Variants in RTN4 observed in about 807,000 individuals in gnomAD.
RTN4 encodes the protein reticulon 4.
A neutral mutation model predicts 90.4 loss-of-function variants in RTN4; 32 were observed. The ratio of observed to expected loss-of-function variants is 0.35; its 90% CI spans 0.27 to 0.48. RTN4 has a LOEUF of 0.48. RTN4 is among the 20% of genes least tolerant of loss of function. The probability of loss-of-function intolerance (pLI) is 0.99; values close to 1 mark genes in which losing one functional copy is unlikely to be tolerated. For missense variants in RTN4, 1,706 were observed against 1,430.2 expected, an observed-to-expected ratio of 1.19 and a Z score of -3.11; for synonymous variants, 629 against 552.5, an observed-to-expected ratio of 1.14 and a Z score of -1.94.
At position 55,025,299 on chromosome 2, in the gene RTN4, A is replaced by C; in HGVS notation, c.2800T>G (p.Phe934Val). ...IQPKVEEKISFSDDFSKNGSA... is the reference protein window; with the variant it reads ...IQPKVEEKISVSDDFSKNGSA... ...CCATTTTTAGAAAAGTCATCTGAGA[A>C]ACTGATTTTCTCTTCAACTTTGGGT... Residue 934 changes from phenylalanine to valine, a missense_variant, in exon 3 of 9, where the codon TTC becomes GTC. By Grantham distance (50) the Phe-to-Val change is conservative. Coordinates refer to ENST00000337526, the MANE Select transcript of RTN4 (RefSeq NM_020532.5). 1 of 1,613,926 alleles carries C rather than the reference A, an allele frequency of 6.2e-7. No individual in the cohort carries two copies. Among genetic ancestry groups the C allele is most frequent in the Non-Finnish European group, 8.5e-7 (1 of 1,179,880 alleles).
At chr2:55,040,678 G>A (rs1171349360) in intron 1 of RTN4, among the ~76,000 whole-genome samples, 1 of 151,832 alleles carries the variant, frequency 6.6e-6, no homozygotes, top group East Asian at 1.9e-4. Flanking sequence ...TTTAAGAGCA[G>A]AAAATTCTTT....
At chr2:55,115,277 A>T (rs914603669), upstream of RTN4, among the ~76,000 whole-genome samples, 1 of 152,186 alleles carries the variant, frequency 6.6e-6, no homozygotes, top group South Asian at 2.1e-4. Flanking sequence ...ATCTGTTTCT[A>T]TGCCTTTTCT....
At position 55,024,415 on chromosome 2, in the gene RTN4, C is replaced by T. The variant is rs571681877; in HGVS notation, c.3013+671G>A. On this transcript the variant is annotated intron_variant, in intron 3 of 8. Transcript: ENST00000337526. ...ATATTCAGTAAATTTATCATAATCA[C>T]TATTTTAGAGAAAACGCAGCTAAAT... Among the ~76,000 whole-genome samples, 163 of 152,236 alleles carry T rather than the reference C, an allele frequency of 1.1e-3. 1 individual carries two copies. The highest frequency in any genetic ancestry group is 3.9e-3 in the African/African-American group (161 of 41,542).
chr2:55,125,595 G>T, the RTN4 span, among the ~76,000 whole-genome samples: 1 of 152,080 alleles, frequency 6.6e-6, no homozygotes, highest in African/African-American at 2.4e-5. Flanking sequence ...GTGAAACCTT[G>T]TCTCTACTAA....
chr2:55,120,756 C>T, the RTN4 span, among the ~76,000 whole-genome samples: 1 of 152,134 alleles, frequency 6.6e-6, no homozygotes, highest in South Asian at 2.1e-4. Context: ...AGGCAGGGCT[C>T]GGGCGGGCTG....
intron 3 of RTN4, among the ~76,000 whole-genome samples, chr2:54,997,868 T>A (rs1679555077): frequency 6.6e-6 from 1 of 152,202 alleles, no homozygotes; most frequent in African/African-American, 2.4e-5. Flanking sequence ...GTTAATTTCT[T>A]ACTGTAACTA....
upstream of RTN4, among the ~76,000 whole-genome samples, chr2:55,116,397 G>A (rs942768276): frequency 6.6e-6 from 1 of 152,188 alleles, no homozygotes; most frequent in African/African-American, 2.4e-5. Context: ...CAGTGGTTAA[G>A]AGTGTTAAAA....
chr2:55,113,546 C>T (rs1381416319), upstream of RTN4, among the ~76,000 whole-genome samples: 1 of 152,178 alleles, frequency 6.6e-6, no homozygotes, highest in East Asian at 1.9e-4. Context: ...GGAGAAGTTG[C>T]TGCAGTAGCC....
intron 3 of RTN4, among the ~76,000 whole-genome samples, chr2:55,004,257 T>C (rs1026154849): frequency 5.3e-5 from 8 of 152,146 alleles, no homozygotes; most frequent in African/African-American, 1.9e-4. Flanking sequence ...ATGCCACAAG[T>C]AGACTATGCA....
the RTN4 span, among the ~76,000 whole-genome samples, chr2:55,126,531 T>C: frequency 6.6e-6 from 1 of 152,142 alleles, no homozygotes; most frequent in Non-Finnish European, 1.5e-5. Context: ...AACTAACAGA[T>C]GCTGGTGAGG....
rs142254609 is a variant in RTN4 at position 55,091,588 on chromosome 2, G to A, written c.-213-10949C>T. 2.0e-5 allele frequency among the ~76,000 whole-genome samples: 3 copies of A among 152,340 alleles called. No individual in the cohort carries two copies. In the East Asian group the frequency reaches 5.8e-4, roughly 29 times the overall value. On this transcript the variant is annotated intron_variant, in intron 1 of 3. Transcript: ENST00000427710. ...TGTACCTAGAATCCCAGTACTGTGG[G>A]AGGCCGAGGCAGGAGGATTGCTTGA...
intron 3 of RTN4, among the ~76,000 whole-genome samples, chr2:54,990,781 T>C (rs574695914): frequency 2.0e-5 from 3 of 151,998 alleles, no homozygotes; most frequent in Non-Finnish European, 4.4e-5. Flanking sequence ...CTCAAATATA[T>C]TTTTCTTTTA....
At chr2:54,983,406 T>G (rs1287376629) in intron 4 of RTN4, among the ~76,000 whole-genome samples, 1 of 152,134 alleles carries the variant, frequency 6.6e-6, no homozygotes, top group East Asian at 1.9e-4. Context: ...AGAAACAGTT[T>G]CATTACTGTT....
At chr2:55,136,261 C>T in the RTN4 span, among the ~76,000 whole-genome samples, 1 of 152,182 alleles carries the variant, frequency 6.6e-6, no homozygotes. Flanking sequence ...GGGAAGAATA[C>T]CTCAAGTGAG....
intron 4 of RTN4, among the ~76,000 whole-genome samples, chr2:54,983,674 T>C (rs904548036): frequency 2.0e-5 from 3 of 152,324 alleles, no homozygotes; most frequent in East Asian, 1.9e-4. Context: ...GAATATTCTA[T>C]CACTCTCCAA....
rs530921271 is a variant in RTN4, at chr2:54,972,795, CTT to C, written c.*359_*360del. On this transcript the variant is annotated 3_prime_UTR_variant, in exon 9 of 9. Coordinates refer to ENST00000337526, the MANE Select transcript of RTN4 (RefSeq NM_020532.5). ...TACACAGTGCACAAACTGAAAAGGG[CTT>C]TTTTTTTTTTTTTTCTAGCTCCACC... 209 of 149,832 alleles carry C rather than the reference CTT, an allele frequency of 1.4e-3. No homozygotes were observed. Among genetic ancestry groups the C allele is most frequent in the Non-Finnish European group, 2.0e-3 (146 of 71,972 alleles). The allele number at this position is 149,832 out of a possible 1,614,324, so 9.3% of individuals were successfully genotyped here. A position where few individuals can be genotyped will look rare whatever the true frequency, so the allele number is the denominator to read the frequency against.
upstream of RTN4, among the ~76,000 whole-genome samples, chr2:55,115,815 G>C (rs991046341): frequency 7.9e-5 from 12 of 152,190 alleles, no homozygotes; most frequent in Non-Finnish European, 1.3e-4. Context: ...AGTCACCAGT[G>C]TGCTGCTATG....
intron 3 of RTN4, among the ~76,000 whole-genome samples, chr2:55,000,583 T>C (rs1679785371): frequency 6.6e-6 from 1 of 152,150 alleles, no homozygotes; most frequent in Non-Finnish European, 1.5e-5. Flanking sequence ...ATACATTACC[T>C]CGAATCCATA....
At chr2:55,131,740 C>T in the RTN4 span, among the ~76,000 whole-genome samples, 5 of 151,808 alleles carry the variant, frequency 3.3e-5, no homozygotes, top group Admixed American at 6.6e-5. Flanking sequence ...AAAAATTAGC[C>T]GGGCGTGGTG....
Sources: gnomAD v4.1 joint callset for allele counts (sites outside exome capture counted in the v4.1 genomes callset) on GRCh38, gnomAD v4.1.1 for gene constraint, MANE v1.5 for transcripts, NCBI Gene and HGNC (gene_info 2026-07-23, HGNC 2026-07-21) for gene names.